Variants in ADGRF5 observed in about 807,000 individuals in gnomAD.
The protein encoded by ADGRF5 is adhesion G protein-coupled receptor F5.
Under a neutral mutation model 132.3 loss-of-function variants are expected in ADGRF5, and 75 were observed. The ratio of observed to expected loss-of-function variants is 0.57; its 90% CI spans 0.47 to 0.69. ADGRF5 has a LOEUF of 0.69. ADGRF5 is among the 30% of genes least tolerant of loss of function. The pLI, the probability that ADGRF5 is intolerant of heterozygous loss-of-function variation, is 0.00. For synonymous variants in ADGRF5, 629 were observed against 597.6 expected, an observed-to-expected ratio of 1.05 and a Z score of -0.77; for missense variants, 1,516 against 1,630.6, an observed-to-expected ratio of 0.93 and a Z score of 1.21.
Position 46,866,120 on chromosome 6 carries a change from T to A in ADGRF5, c.1834+805A>T, listed in dbSNP as rs559735034. The stretch of plus-strand genomic sequence containing the variant: ...TGATTTTTTTTTCTTTTTTTGCTGG[T>A]TGACATAGGGTGCTACCAATGGACA... On this transcript the variant is annotated intron_variant, in intron 13 of 20. Coordinates refer to ENST00000283296, the MANE Select transcript of ADGRF5 (RefSeq NM_001098518.2). Among the ~76,000 whole-genome samples the A allele has an allele frequency of 1.4e-3, 217 of 152,232 alleles. 1 individual carries two copies. Among genetic ancestry groups the A allele is most frequent in the African/African-American group, 5.1e-3 (213 of 41,540 alleles).
At chr6:46,929,602 G>A (rs1271653086) in intron 1 of ADGRF5, among the ~76,000 whole-genome samples, 4 of 151,438 alleles carry the variant, frequency 2.6e-5, no homozygotes, top group Non-Finnish European at 5.9e-5. Flanking sequence ...AGGTACAGGT[G>A]GGGTAGTTAT....
chr6:46,949,956 A>T (rs981260702), intron 1 of ADGRF5, among the ~76,000 whole-genome samples: 6 of 152,156 alleles, frequency 3.9e-5, no homozygotes, highest in African/African-American at 1.4e-4. Context: ...ACCCTATTTT[A>T]AACTTACTGC....
At chr6:46,882,134 A>T (rs1384050575) in intron 6 of ADGRF5, 27 bp from the exon 7 acceptor site, 1 of 1,546,188 alleles carries the variant, frequency 6.5e-7, no homozygotes, top group South Asian at 1.1e-5. Context: ...GATGAATGTC[A>T]TATATCAAAG....
chr6:46,879,665 G>A (rs1772226496), intron 9 of ADGRF5, among the ~76,000 whole-genome samples, 153 bp downstream of exon 9: 2 of 152,078 alleles, frequency 1.3e-5, no homozygotes, highest in Non-Finnish European at 2.9e-5. Flanking sequence ...AATACATATC[G>A]GATTAATTTT....
chr6:46,880,219 A>C (rs1194437490), intron 8 of ADGRF5, among the ~76,000 whole-genome samples, 180 bp from the exon 9 acceptor site: 6 of 152,190 alleles, frequency 3.9e-5, no homozygotes, highest in Admixed American at 3.9e-4. Context: ...AGCCCTGAGG[A>C]GGTATGTCCT....
chr6:46,856,097 T>C (rs758335123), intron 19 of ADGRF5, 39 bp from the exon 20 acceptor site: 3 of 1,171,052 alleles, frequency 2.6e-6, no homozygotes, highest in East Asian at 2.3e-5. Context: ...CAAAGCAAAT[T>C]TGTGGGACCA....
intron 1 of ADGRF5, among the ~76,000 whole-genome samples, chr6:46,944,188 G>A (rs1778208932): frequency 6.6e-6 from 1 of 152,174 alleles, no homozygotes; most frequent in South Asian, 2.1e-4. Context: ...CATGGTTTCA[G>A]GATAAAACCG....
At chr6:46,861,687 A>G (rs991367907) in intron 15 of ADGRF5, among the ~76,000 whole-genome samples, 4 of 152,206 alleles carry the variant, frequency 2.6e-5, no homozygotes, top group Non-Finnish European at 5.9e-5. Flanking sequence ...TCTCATTCCT[A>G]TAATTCCTAA....
chr6:46,908,519 G>A (rs1775622531), intron 1 of ADGRF5, among the ~76,000 whole-genome samples: 1 of 152,134 alleles, frequency 6.6e-6, no homozygotes, highest in South Asian at 2.1e-4. Context: ...ATACTAGAAG[G>A]ACTAGAGCTG....
chr6:46,933,432 G>A (rs1777661665), intron 1 of ADGRF5, among the ~76,000 whole-genome samples: 1 of 152,140 alleles, frequency 6.6e-6, no homozygotes, highest in Non-Finnish European at 1.5e-5. Context: ...GTCTCCCCAG[G>A]TCCAAGTTGT....
upstream of ADGRF5, among the ~76,000 whole-genome samples, chr6:46,923,108 A>G (rs1050412419): frequency 2.0e-5 from 3 of 152,026 alleles, no homozygotes; most frequent in African/African-American, 4.8e-5. Context: ...TGTATTTTTA[A>G]TAGAGACAGG....
chr6:46,893,348 C>T (rs575881960), intron 3 of ADGRF5, among the ~76,000 whole-genome samples: 64 of 152,166 alleles, frequency 4.2e-4, no homozygotes, highest in Non-Finnish European at 8.5e-4. Context: ...GCAAACAGAA[C>T]ATAGAGGCTG....
At chr6:46,865,001 C>A in intron 14 of ADGRF5, 41 bp downstream of exon 14, 1 of 1,378,220 alleles carries the variant, frequency 7.3e-7, no homozygotes, top group East Asian at 2.3e-5. Flanking sequence ...TAAGTCCCTG[C>A]CCTGACTATA....
intron 10 of ADGRF5, among the ~76,000 whole-genome samples, chr6:46,877,945 G>A (rs1046593445): frequency 4.6e-5 from 7 of 152,094 alleles, no homozygotes; most frequent in Admixed American, 1.3e-4. Context: ...TAAGTCATCG[G>A]GATCCTAATT....
chr6:46,854,005 G>C lies in ADGRF5; in HGVS notation c.4028C>G (p.Ser1343Trp), dbSNP rs780829581. The change falls in exon 21 of 21, where the codon TCG becomes TGG. Residue 1343 changes from serine (S) to tryptophan (W), a missense_variant. This residue lies in a region of ADGRF5 where 571 missense variants were observed against 701.2 expected (regional missense o/e 0.81). Coordinates refer to ENST00000283296, the MANE Select transcript of ADGRF5 (RefSeq NM_001098518.2). ...SSLENSSSAS[S>W]LLN ...ATTATCCTGTTCTTAGTTGAGCAAC[G>C]AAGAAGCACTGGATGAGTTTTCCAG... The C allele has an allele frequency of 1.1e-5, 18 of 1,603,066 alleles. No individual in the cohort carries two copies. The highest frequency in any genetic ancestry group is 1.7e-5 in the Admixed American group (1 of 59,326).
chr6:46,901,253 T>C (rs1774735232), intron 2 of ADGRF5, among the ~76,000 whole-genome samples: 2 of 152,182 alleles, frequency 1.3e-5, no homozygotes, highest in African/African-American at 4.8e-5. Flanking sequence ...TACCTTGACC[T>C]GACAAGGATT....
At chr6:46,899,133 T>C (rs1279260754) in intron 3 of ADGRF5, among the ~76,000 whole-genome samples, 1 of 152,002 alleles carries the variant, frequency 6.6e-6, no homozygotes, top group African/African-American at 2.4e-5. Context: ...GGGGAATGGA[T>C]GGAGGGCCTA....
At chr6:46,862,597 G>GC (rs1481276796) in intron 15 of ADGRF5, among the ~76,000 whole-genome samples, 1 of 151,210 alleles carries the variant, frequency 6.6e-6, no homozygotes, top group Non-Finnish European at 1.5e-5. Flanking sequence ...TAATACCGCT[G>GC]CCCCCTGGAG....
intron 1 of ADGRF5, among the ~76,000 whole-genome samples, chr6:46,939,060 G>A (rs1777957809): frequency 6.6e-6 from 1 of 151,980 alleles, no homozygotes; most frequent in African/African-American, 2.4e-5. Context: ...TAGTAGAGAT[G>A]GGGTTTCACC....
Sources: gnomAD v4.1 joint callset for allele counts (sites outside exome capture counted in the v4.1 genomes callset) on GRCh38, gnomAD v4.1.1 for gene constraint, gnomAD v4.1.1 regional missense constraint, MANE v1.5 for transcripts, NCBI Gene and HGNC (gene_info 2026-07-23, HGNC 2026-07-21) for gene names.